Variants in ZFAND3 observed in about 807,000 individuals in gnomAD.
The protein encoded by ZFAND3 is AN1-type zinc finger protein 3.
Under a neutral mutation model 29.6 loss-of-function variants are expected in ZFAND3, and 10 were observed. The observed-to-expected ratio is 0.34, with a 90% confidence interval of 0.21 to 0.57. The LOEUF is 0.57. Ranked by LOEUF, ZFAND3 falls within the 20% of genes least tolerant of loss-of-function variation. ZFAND3 has a pLI of 0.86. For synonymous variants in ZFAND3, 128 were observed against 112.6 expected, an observed-to-expected ratio of 1.14 and a Z score of -0.87; for missense variants, 230 against 304.5, an observed-to-expected ratio of 0.76 and a Z score of 1.82.
chr6:37,938,233 C>T (rs1761738716), intron 2 of ZFAND3, among the ~76,000 whole-genome samples: 2 of 152,154 alleles, frequency 1.3e-5, no homozygotes, highest in African/African-American at 2.4e-5. Flanking sequence ...ACACGTTGCT[C>T]TTGTTCATTT....
At chr6:37,888,450 T>G (rs1394358641) in intron 1 of ZFAND3, among the ~76,000 whole-genome samples, 1 of 152,180 alleles carries the variant, frequency 6.6e-6, no homozygotes, top group Non-Finnish European at 1.5e-5. Context: ...GTTCAATCAT[T>G]TATGCTTTAT....
At chr6:37,946,497 C>T (rs1761904269) in intron 2 of ZFAND3, among the ~76,000 whole-genome samples, 1 of 152,140 alleles carries the variant, frequency 6.6e-6, no homozygotes, top group African/African-American at 2.4e-5. Flanking sequence ...TTTTTCCCCC[C>T]ATTCCTTCAT....
Position 37,950,362 on chromosome 6 carries a change from A to AC in ZFAND3, c.112+20363_112+20364insC, listed in dbSNP as rs145051275. The stretch of plus-strand genomic sequence containing the variant: ...TTAAATTGGGAGTCCTTTTTCCATT[A>AC]ATGTTTTTGTTGACTTGTTTTTTTT... On this transcript the variant is annotated intron_variant, in intron 2 of 5. Transcript: ENST00000287218. Among the ~76,000 whole-genome samples the AC allele has an allele frequency of 5.3e-3, 4 of 752 alleles. No homozygotes were observed. The East Asian group carries it at 0.14, about 27-fold the overall frequency. 0.5% of individuals were successfully genotyped at this position (752 alleles called of 152,430 possible).
intron 2 of ZFAND3, among the ~76,000 whole-genome samples, chr6:37,996,731 C>T (rs568511483): frequency 6.6e-6 from 1 of 152,166 alleles, no homozygotes; most frequent in African/African-American, 2.4e-5. Flanking sequence ...TATTTTCCTT[C>T]AGGTTCTTTA....
chr6:37,891,993 T>C (rs774941518), intron 1 of ZFAND3, among the ~76,000 whole-genome samples: 42 of 152,156 alleles, frequency 2.8e-4, no homozygotes, highest in Non-Finnish European at 5.0e-4. Flanking sequence ...CCTCCCAAAG[T>C]GCTGAGATTA....
At chr6:37,888,592 A>C (rs1267328689) in intron 1 of ZFAND3, among the ~76,000 whole-genome samples, 1 of 152,132 alleles carries the variant, frequency 6.6e-6, no homozygotes, top group Admixed American at 6.6e-5. Context: ...TGGAAATATG[A>C]TTAGACAGGA....
intron 1 of ZFAND3, among the ~76,000 whole-genome samples, chr6:37,867,802 C>T (rs1764615664): frequency 6.6e-6 from 1 of 152,178 alleles, no homozygotes; most frequent in African/African-American, 2.4e-5. Flanking sequence ...TCCATTGTGA[C>T]ATGAACCTGA....
chr6:37,904,108 A>G (rs553581176), intron 1 of ZFAND3, among the ~76,000 whole-genome samples: 14 of 152,256 alleles, frequency 9.2e-5, no homozygotes, highest in East Asian at 1.9e-4. Context: ...TAGTGGTGCA[A>G]ATGTGCTGCT....
At chr6:38,138,204 G>C (rs1268508398) in intron 5 of ZFAND3, among the ~76,000 whole-genome samples, 1 of 152,108 alleles carries the variant, frequency 6.6e-6, no homozygotes, top group Non-Finnish European at 1.5e-5. Context: ...ACACATGCTT[G>C]TGTATGCACA....
intron 1 of ZFAND3, among the ~76,000 whole-genome samples, chr6:37,881,024 T>C (rs920310376): frequency 6.7e-6 from 1 of 149,274 alleles, no homozygotes; most frequent in Non-Finnish European, 1.5e-5. Flanking sequence ...AAAAAAAAAA[T>C]ACTCTTCAAG....
chr6:38,063,078 C>CT (rs1286295167), intron 3 of ZFAND3, among the ~76,000 whole-genome samples: 1 of 151,852 alleles, frequency 6.6e-6, no homozygotes, highest in Non-Finnish European at 1.5e-5. Context: ...GAGACCTGGC[C>CT]TTTTTTTTCT....
chr6:37,858,387 G>A (rs1451883742), intron 1 of ZFAND3, among the ~76,000 whole-genome samples: 1 of 152,226 alleles, frequency 6.6e-6, no homozygotes, highest in Non-Finnish European at 1.5e-5. Context: ...CCAACATGTG[G>A]TTGTAAGAAG....
intron 1 of ZFAND3, among the ~76,000 whole-genome samples, chr6:37,823,077 A>G (rs1581687693): frequency 1.3e-5 from 2 of 152,096 alleles, no homozygotes; most frequent in South Asian, 4.1e-4. Flanking sequence ...GTGAAAGACT[A>G]TTGGTGGTTC....
At chr6:37,940,788 GGA>G (rs1370890205) in intron 2 of ZFAND3, among the ~76,000 whole-genome samples, 2 of 151,972 alleles carry the variant, frequency 1.3e-5, no homozygotes, top group African/African-American at 2.4e-5. Context: ...TAAATATTGG[GGA>G]GAGAGAAGAA....
chr6:38,117,908 T>A (rs1284691684), intron 5 of ZFAND3, among the ~76,000 whole-genome samples: 1 of 152,244 alleles, frequency 6.6e-6, no homozygotes, highest in Non-Finnish European at 1.5e-5. Context: ...GAAACTACGT[T>A]GGAACTCCTA....
chr6:38,101,772 CAAAAAAAAA>C (rs57491627), intron 4 of ZFAND3, among the ~76,000 whole-genome samples: 1 of 42,748 alleles, frequency 2.3e-5, no homozygotes, highest in Non-Finnish European at 4.5e-5. Context: ...GACTCCCTCT[CAAAAAAAAA>C]AAAAAAAAAA....
chr6:37,834,932 T>TC (rs1408008552), intron 1 of ZFAND3, among the ~76,000 whole-genome samples: 1 of 152,092 alleles, frequency 6.6e-6, no homozygotes, highest in East Asian at 1.9e-4. Flanking sequence ...ATATGAGAGT[T>TC]CCGGTTAGTC....
intron 1 of ZFAND3, among the ~76,000 whole-genome samples, chr6:37,858,345 G>A (rs1420218307): frequency 6.6e-6 from 1 of 152,206 alleles, no homozygotes; most frequent in Non-Finnish European, 1.5e-5. Flanking sequence ...TTTGTAGCAG[G>A]TACTAAGGAC....
At chr6:38,121,624 T>C (rs1041269220) in intron 5 of ZFAND3, among the ~76,000 whole-genome samples, 2 of 151,964 alleles carry the variant, frequency 1.3e-5, no homozygotes, top group East Asian at 3.9e-4. Context: ...TTATTTGGGG[T>C]TTTAATAGAA....
Sources: allele counts gnomAD v4.1 joint callset (sites outside exome capture counted in the v4.1 genomes callset), GRCh38; gene constraint gnomAD v4.1.1; transcripts MANE v1.5; gene names NCBI Gene and HGNC (gene_info 2026-07-23, HGNC 2026-07-21).